The following TMEM64 variants were observed in gnomAD, a reference collection of about 807,000 sequenced individuals.
TMEM64 encodes transmembrane protein 64.
A neutral mutation model predicts 24.5 loss-of-function variants in TMEM64; 19 were observed. The observed-to-expected ratio is 0.78, with a 90% confidence interval of 0.54 to 1.14. The LOEUF is 1.14. Ranked by LOEUF, TMEM64 falls within the 50% of genes most tolerant of loss-of-function variation. TMEM64 has a pLI of 0.00. For synonymous variants in TMEM64, 262 were observed against 224.7 expected, an observed-to-expected ratio of 1.17 and a Z score of -1.49; for missense variants, 487 against 493.0, an observed-to-expected ratio of 0.99 and a Z score of 0.12.
At chr8:90,644,187 G>C (rs1809650967) in intron 1 of TMEM64, among the ~76,000 whole-genome samples, 1 of 152,164 alleles carries the variant, frequency 6.6e-6, no homozygotes, top group African/African-American at 2.4e-5. Context: ...TGGTAGTTTA[G>C]AATCACTGAA....
chr8:90,628,663 G>A (rs1729357498), intron 2 of TMEM64, among the ~76,000 whole-genome samples: 1 of 152,086 alleles, frequency 6.6e-6, no homozygotes, highest in Non-Finnish European at 1.5e-5. Context: ...TAACAGGCAT[G>A]GAAGAGTAAC....
rs1443665529 is a variant in TMEM64, at chr8:90,645,081, A to G, written c.795+30T>C. On this transcript the variant is annotated intron_variant, in intron 1 of 2. Coordinates refer to ENST00000458549, the MANE Select transcript of TMEM64 (RefSeq NM_001008495.4). The surrounding 1 kb of genome is among the most constrained non-coding windows in gnomAD (Gnocchi z 4.2). ...CAAGACCGCTCAAAAACAGACTTGG[A>G]GAGGGATAGGCCAGCGGGACCCCAC... 6 of 1,575,906 alleles carry G rather than the reference A, an allele frequency of 3.8e-6. No homozygotes were observed. The highest frequency in any genetic ancestry group is 1.3e-5 in the African/African-American group (1 of 74,266).
At chr8:90,642,678 A>G (rs897743271) in intron 1 of TMEM64, among the ~76,000 whole-genome samples, 5 of 152,216 alleles carry the variant, frequency 3.3e-5, no homozygotes, top group African/African-American at 4.8e-5. Context: ...TACTTCTGTA[A>G]GCAGGCAGTT....
At position 90,623,172 on chromosome 8, in the gene TMEM64, G is replaced by A. The variant is rs1809305623; in HGVS notation, c.*2499C>T. 6.6e-6 allele frequency: 1 copy of A among 152,098 alleles called. No homozygotes were observed. Among genetic ancestry groups the A allele is most frequent in the Non-Finnish European group, 1.5e-5 (1 of 68,004 alleles). The allele number at this position is 152,098 out of a possible 1,614,324, so 9.4% of individuals were successfully genotyped here. A position where few individuals can be genotyped will look rare whatever the true frequency, so the allele number is the denominator to read the frequency against. ...CAGAAATTATATATCATTTTTAAGTGTGCATTAAGCAACTTTATACTGCAC... is the reference window on the plus strand; with the variant it reads ...CAGAAATTATATATCATTTTTAAGTATGCATTAAGCAACTTTATACTGCAC... On this transcript the variant is annotated 3_prime_UTR_variant, in exon 3 of 3. Transcript: ENST00000458549.
intron 1 of TMEM64, among the ~76,000 whole-genome samples, chr8:90,644,209 T>A (rs943564795): frequency 6.6e-6 from 1 of 152,192 alleles, no homozygotes; most frequent in Non-Finnish European, 1.5e-5. Flanking sequence ...TTGGGGAACA[T>A]GGTAATCTAC....
At chr8:90,631,035 A>G (rs564742624) in intron 2 of TMEM64, among the ~76,000 whole-genome samples, 1 of 152,340 alleles carries the variant, frequency 6.6e-6, no homozygotes, top group African/African-American at 2.4e-5. Context: ...TTGGACTTGT[A>G]ATAGAAAACC....
At chr8:90,627,082 T>TG (rs142550386) in intron 2 of TMEM64, among the ~76,000 whole-genome samples, 2,796 of 152,298 alleles carry the variant, frequency 0.018, 78 homozygotes, top group African/African-American at 0.063. Flanking sequence ...TTACAAAGGC[T>TG]GCTGTAACCA....
intron 1 of TMEM64, among the ~76,000 whole-genome samples, chr8:90,632,669 G>A (rs1809457713): frequency 6.6e-6 from 1 of 152,090 alleles, no homozygotes; most frequent in Admixed American, 6.5e-5. Flanking sequence ...GTGTTGCCCA[G>A]GTTGCTCTTG....
chr8:90,629,636 A>G lies in TMEM64; in HGVS notation c.951+1916T>C, dbSNP rs570426926. Among the ~76,000 whole-genome samples, 195 of 152,284 alleles carry G rather than the reference A, an allele frequency of 1.3e-3. 1 individual carries two copies. Among genetic ancestry groups the G allele is most frequent in the Non-Finnish European group, 8.8e-5 (6 of 67,988 alleles). ...ACTGTGCTATAGATATAATGCATAG[A>G]AAGTTTAACTTTATATGATTAGCAT... On this transcript the variant is annotated intron_variant, in intron 2 of 2. Transcript: ENST00000458549.
chr8:90,639,974 C>T (rs1019798704), intron 1 of TMEM64, among the ~76,000 whole-genome samples: 3 of 151,978 alleles, frequency 2.0e-5, no homozygotes, highest in African/African-American at 7.3e-5. Context: ...ACATATGACA[C>T]AAAAACTGCA....
chr8:90,626,685 C>G (rs1809366229), intron 2 of TMEM64, among the ~76,000 whole-genome samples: 1 of 141,780 alleles, frequency 7.1e-6, no homozygotes, highest in African/African-American at 2.7e-5. Context: ...GGCTGCAGTG[C>G]AGTGGCACAA....
Position 90,645,363 on chromosome 8 carries a change from G to A in TMEM64, c.543C>T (p.Leu181=), listed in dbSNP as rs200765950. ...CGTACAGGTAGCCAGCGGCCACGTTGAGCACGATGTAGCCCCAGCCGCAGG... is the reference window on the plus strand; with the variant it reads ...CGTACAGGTAGCCAGCGGCCACGTTAAGCACGATGTAGCCCCAGCCGCAGG... ...SFPCGWGYIV[L]NVAAGYLYGF... Residue 181 remains leucine, a synonymous_variant, in exon 1 of 3, where the codon CTC becomes CTT. Transcript: ENST00000458549. The surrounding 1 kb of genome is among the most constrained non-coding windows in gnomAD (Gnocchi z 4.2). The A allele has an allele frequency of 6.4e-7, 1 of 1,552,700 alleles. No individual in the cohort carries two copies. Among genetic ancestry groups the A allele is most frequent in the Non-Finnish European group, 8.7e-7 (1 of 1,147,542 alleles).
Position 90,646,075 on chromosome 8 carries a change from G to C in TMEM64, c.-170C>G. On this transcript the variant is annotated 5_prime_UTR_variant, in exon 1 of 3. Coordinates refer to ENST00000458549, the MANE Select transcript of TMEM64 (RefSeq NM_001008495.4). Reference sequence around the variant, plus strand: ...GAGTCAGCGGAGGAGCGACGGCCAGGCGGGGAGTGAGGAAACTCCTGCCCC... The same window carrying C: ...GAGTCAGCGGAGGAGCGACGGCCAGCCGGGGAGTGAGGAAACTCCTGCCCC... 1 of 227,990 alleles carries C rather than the reference G, an allele frequency of 4.4e-6. No individual in the cohort carries two copies. Among genetic ancestry groups the C allele is most frequent in the Non-Finnish European group, 8.0e-6 (1 of 125,030 alleles). 14.1% of individuals were successfully genotyped at this position (227,990 alleles called of 1,614,324 possible). A position where few individuals can be genotyped will look rare whatever the true frequency, so the allele number is the denominator to read the frequency against.
At chr8:90,631,215 A>C (rs1809432328) in intron 2 of TMEM64, among the ~76,000 whole-genome samples, 1 of 152,234 alleles carries the variant, frequency 6.6e-6, no homozygotes, top group Non-Finnish European at 1.5e-5. Flanking sequence ...AATCTTACTG[A>C]AATTATTTTC....
At chr8:90,635,493 C>G (rs1451591259) in intron 1 of TMEM64, among the ~76,000 whole-genome samples, 1 of 151,676 alleles carries the variant, frequency 6.6e-6, no homozygotes, top group Admixed American at 6.6e-5. Flanking sequence ...GTTGGCAGTA[C>G]AGCTAGGATT....
chr8:90,641,085 G>A (rs925447432), intron 1 of TMEM64, among the ~76,000 whole-genome samples: 8 of 152,084 alleles, frequency 5.3e-5, no homozygotes, highest in African/African-American at 1.7e-4. Flanking sequence ...GAAATTAAGG[G>A]CCTCTTCCTA....
At position 90,645,618 on chromosome 8, in the gene TMEM64, G is replaced by GCCGCCA. The variant is rs1282244556; in HGVS notation, c.282_287dup (p.Gly97_Gly98dup). On this transcript the variant is annotated inframe_insertion, in exon 1 of 3. Coordinates refer to ENST00000458549, the MANE Select transcript of TMEM64 (RefSeq NM_001008495.4). This position sits in a 1 kb window ranked among gnomAD's most constrained non-coding sequence, Gnocchi z 4.2. ...CAGCCACGCCGACCACCACGCCGCCGCCGCCACTCCCGGGGCCGCCCGCCA... is the reference window on the plus strand; with the variant it reads ...CAGCCACGCCGACCACCACGCCGCCGCCGCCACCGCCACTCCCGGGGCCGCCCGCCA... The GCCGCCA allele has an allele frequency of 2.0e-6, 3 of 1,534,578 alleles. No individual in the cohort carries two copies. Among genetic ancestry groups the GCCGCCA allele is most frequent in the Non-Finnish European group, 2.6e-6 (3 of 1,144,938 alleles).
intron 1 of TMEM64, among the ~76,000 whole-genome samples, chr8:90,633,501 T>C (rs1204698723): frequency 6.6e-6 from 1 of 152,206 alleles, no homozygotes; most frequent in East Asian, 1.9e-4. Flanking sequence ...CTACTAAGTT[T>C]TGAAGTGATC....
intron 1 of TMEM64, among the ~76,000 whole-genome samples, chr8:90,641,879 T>C (rs953276525): frequency 2.3e-4 from 35 of 152,330 alleles, no homozygotes; most frequent in Admixed American, 1.9e-3. Context: ...GAGCAAACTA[T>C]ATATTTTATC....
Sources: allele counts gnomAD v4.1 joint callset (sites outside exome capture counted in the v4.1 genomes callset), GRCh38; gene constraint gnomAD v4.1.1; non-coding constraint Gnocchi (gnomAD v3.1); transcripts MANE v1.5; gene names NCBI Gene and HGNC (gene_info 2026-07-23, HGNC 2026-07-21).